SOX5: variants seen among roughly 807,000 people sequenced by gnomAD.
SOX5 encodes the protein transcription factor SOX-5.
In SOX5, 9 loss-of-function variants were observed where a neutral mutation model predicts 92.0. The observed-to-expected ratio is 0.10, with a 90% CI of 0.06 to 0.17. SOX5 has a LOEUF of 0.17. Among genes scored for constraint, SOX5 ranks in the 10% least tolerant of loss-of-function variants. SOX5 has a pLI of 1.00. For missense variants in SOX5, 642 were observed against 944.5 expected, an observed-to-expected ratio of 0.68 and a Z score of 4.20; for synonymous variants, 344 against 336.3, an observed-to-expected ratio of 1.02 and a Z score of -0.25.
At chr12:23,589,607 A>C (rs73273870) in intron 9 of SOX5, among the ~76,000 whole-genome samples, 1 of 151,938 alleles carries the variant, frequency 6.6e-6, no homozygotes, top group Non-Finnish European at 1.5e-5. Context: ...AGTAAGGCAT[A>C]GTTCACTATA....
chr12:24,271,982 A>C (rs12227036), intron 3 of SOX5, among the ~76,000 whole-genome samples: 8,388 of 150,578 alleles, frequency 0.056, 249 homozygotes, highest in Non-Finnish European at 0.069. Flanking sequence ...CACACACACA[A>C]ACACACACAC....
chr12:23,628,800 CTTTT>C (rs113869280), intron 8 of SOX5, among the ~76,000 whole-genome samples: 2 of 145,666 alleles, frequency 1.4e-5, no homozygotes, highest in Non-Finnish European at 3.0e-5. Context: ...CTGGCTTAAG[CTTTT>C]TTTTTTTATT....
intron 6 of SOX5, 40 bp downstream of exon 6, chr12:23,734,644 T>TA: frequency 7.1e-7 from 1 of 1,416,396 alleles, no homozygotes; most frequent in Non-Finnish European, 9.8e-7. Context: ...AGAATATATA[T>TA]TTTTTAAATT....
intron 4 of SOX5, among the ~76,000 whole-genome samples, chr12:24,004,671 G>A (rs1185926890): frequency 6.6e-6 from 1 of 151,982 alleles, no homozygotes; most frequent in African/African-American, 2.4e-5. Flanking sequence ...ATTGCTGCTG[G>A]GTATGTCAAA....
At chr12:24,455,121 T>C (rs1471206820) in intron 1 of SOX5, among the ~76,000 whole-genome samples, 4 of 152,234 alleles carry the variant, frequency 2.6e-5, no homozygotes, top group Non-Finnish European at 4.4e-5. Flanking sequence ...GTCTCATCCA[T>C]GTAGCCCCCT....
chr12:23,722,413 G>T (rs1593666448), intron 6 of SOX5, among the ~76,000 whole-genome samples: 1 of 152,162 alleles, frequency 6.6e-6, no homozygotes, highest in African/African-American at 2.4e-5. Context: ...CTATGTTAGT[G>T]GATGACATTC....
chr12:24,033,844 C>T (rs180923446), intron 4 of SOX5, among the ~76,000 whole-genome samples: 1 of 151,966 alleles, frequency 6.6e-6, no homozygotes, highest in Admixed American at 6.6e-5. Flanking sequence ...CTTACGCTAG[C>T]CTGAGTCAGA....
intron 7 of SOX5, among the ~76,000 whole-genome samples, chr12:23,653,037 T>TGGATGGATGGACGGAC (rs71059912): frequency 3.3e-4 from 50 of 150,042 alleles, no homozygotes; most frequent in Middle Eastern, 6.9e-3. Context: ...GATAGATGGA[T>TGGATGGATGGACGGAC]GGATGGATGG....
At chr12:23,577,931 C>T (rs1177903780) in intron 9 of SOX5, among the ~76,000 whole-genome samples, 4 of 151,230 alleles carry the variant, frequency 2.6e-5, no homozygotes, top group African/African-American at 9.7e-5. Flanking sequence ...ACTATCCTGG[C>T]CAACACGGTG....
chr12:23,770,232 C>T (rs181095999), intron 3 of SOX5, among the ~76,000 whole-genome samples: 2,057 of 152,006 alleles, frequency 0.014, 23 homozygotes, highest in Middle Eastern at 0.031. Flanking sequence ...TTTCTAGCCC[C>T]CAAATTGTTT....
chr12:23,759,841 T>C (rs890196714), intron 3 of SOX5, among the ~76,000 whole-genome samples: 4 of 152,112 alleles, frequency 2.6e-5, no homozygotes, highest in African/African-American at 7.2e-5. Flanking sequence ...AATAAGATTT[T>C]AAAAATGCAC....
intron 3 of SOX5, among the ~76,000 whole-genome samples, chr12:23,840,765 T>C (rs1469525073): frequency 6.6e-6 from 1 of 152,106 alleles, no homozygotes; most frequent in Admixed American, 6.5e-5. Flanking sequence ...CTTGGAATAA[T>C]TGGACTTCTA....
intron 1 of SOX5, among the ~76,000 whole-genome samples, chr12:24,552,404 C>A (rs10743502): frequency 0.55 from 83,242 of 152,018 alleles, 25,406 homozygotes; most frequent in East Asian, 0.91. Context: ...ACACTTGTTA[C>A]AAATGCAGGG....
At chr12:23,962,754 T>C (rs1947098340) in intron 4 of SOX5, among the ~76,000 whole-genome samples, 1 of 152,232 alleles carries the variant, frequency 6.6e-6, no homozygotes, top group African/African-American at 2.4e-5. Context: ...CCTTTTCTTC[T>C]AGTATGAACG....
At chr12:24,340,364 G>A (rs1185264235) in intron 2 of SOX5, among the ~76,000 whole-genome samples, 2 of 152,202 alleles carry the variant, frequency 1.3e-5, no homozygotes, top group Non-Finnish European at 2.9e-5. Flanking sequence ...ACAATAGTAT[G>A]TCAAAGCATT....
At chr12:23,789,852 A>G (rs1196513822) in intron 3 of SOX5, among the ~76,000 whole-genome samples, 1 of 152,196 alleles carries the variant, frequency 6.6e-6, no homozygotes, top group East Asian at 1.9e-4. Context: ...ATAACCATGT[A>G]CATAGAAACA....
At chr12:24,001,776 C>A (rs76226972) in intron 4 of SOX5, among the ~76,000 whole-genome samples, 2,454 of 152,192 alleles carry the variant, frequency 0.016, 56 homozygotes, top group African/African-American at 0.057. Flanking sequence ...ATATTTATCA[C>A]AAAGAAAGCA....
chr12:24,360,305 T>G (rs1224331657), intron 2 of SOX5, among the ~76,000 whole-genome samples: 1 of 152,190 alleles, frequency 6.6e-6, no homozygotes, highest in Non-Finnish European at 1.5e-5. Flanking sequence ...TTCAAAATGT[T>G]ATGGAATTCT....
chr12:24,144,038 A>T (rs1950841280), intron 4 of SOX5, among the ~76,000 whole-genome samples: 1 of 152,144 alleles, frequency 6.6e-6, no homozygotes, highest in Non-Finnish European at 1.5e-5. Context: ...CCTCAAAATC[A>T]AATTGTACAA....
Sources: allele counts gnomAD v4.1 joint callset (sites outside exome capture counted in the v4.1 genomes callset), GRCh38; gene constraint gnomAD v4.1.1; transcripts MANE v1.5; gene names NCBI Gene and HGNC (gene_info 2026-07-23, HGNC 2026-07-21).